Variants in GRIA3 observed in about 807,000 individuals in gnomAD.
The protein encoded by GRIA3 is glutamate ionotropic receptor AMPA type subunit 3.
GRIA3 carries 3 observed loss-of-function variants against 63.0 expected under a neutral mutation model. The observed-to-expected ratio is 0.05, with a 90% CI of 0.02 to 0.12. GRIA3 has a LOEUF of 0.12. Among genes scored for constraint, GRIA3 ranks in the 10% least tolerant of loss-of-function variants. The pLI is 1.00. For missense variants in GRIA3, 347 were observed against 700.9 expected (o/e 0.50, Z 5.70); for synonymous variants, 274 against 257.9 (o/e 1.06, Z -0.60).
Position 123,428,155 on chromosome X carries a change from T to C in GRIA3, c.2076+16T>C, listed in dbSNP as rs1301986133. On this transcript the variant is annotated intron_variant, in intron 12 of 15. Coordinates refer to ENST00000620443, the MANE Select transcript of GRIA3 (RefSeq NM_007325.5). ...ATTTTTCAGAGTAAGTGCTCTGCAG[T>C]TAATTGAGCCTGCTGATATTTATTT... is the stretch of plus-strand genomic sequence containing the variant. The C allele has an allele frequency of 9.5e-7, 1 of 1,047,360 alleles. No homozygotes were observed. The highest frequency in any genetic ancestry group is 1.3e-6 in the Non-Finnish European group (1 of 745,820). 86.3% of individuals were successfully genotyped at this position (1,047,360 alleles called of 1,213,427 possible).
At position 123,260,092 on chromosome X, in the gene GRIA3, A is replaced by T. The variant is rs181346952; in HGVS notation, c.508+6550A>T. Among the ~76,000 whole-genome samples, 311 of 109,618 alleles carry T rather than the reference A, an allele frequency of 2.8e-3. 1 individual carries two copies. The highest frequency in any genetic ancestry group is 4.9e-3 in the Non-Finnish European group (260 of 52,663). ...ATGAGTTGCAAAGGTGAAGGCAGAG[A>T]GACAGCAGAGTTCTAAATGCAGGCA... On this transcript the variant is annotated intron_variant, in intron 3 of 15. Coordinates refer to ENST00000620443, the MANE Select transcript of GRIA3 (RefSeq NM_007325.5).
chrX:123,486,034 A>C (rs761806642), intron 15 of GRIA3, among the ~76,000 whole-genome samples: 44 of 108,164 alleles, frequency 4.1e-4, no homozygotes, highest in African/African-American at 1.4e-3. Context: ...GAAAAGAGGG[A>C]TAGAGATACA....
At chrX:123,286,127 C>A (rs922948462) in intron 3 of GRIA3, among the ~76,000 whole-genome samples, 2 of 111,734 alleles carry the variant, frequency 1.8e-5, no homozygotes, top group Non-Finnish European at 3.8e-5. Context: ...CTCAAAACTG[C>A]GCGACTACCT....
intron 12 of GRIA3, among the ~76,000 whole-genome samples, chrX:123,429,002 G>T (rs890577842): frequency 3.6e-5 from 4 of 111,529 alleles, no homozygotes; most frequent in Non-Finnish European, 7.5e-5. Flanking sequence ...ATTTAGATTA[G>T]AAAATGGACA....
intron 5 of GRIA3, among the ~76,000 whole-genome samples, chrX:123,362,540 C>T (rs1415273456): frequency 1.8e-5 from 2 of 110,989 alleles, no homozygotes; most frequent in African/African-American, 6.6e-5. Flanking sequence ...GAATGAGTGA[C>T]AGGACAGATT....
intron 5 of GRIA3, among the ~76,000 whole-genome samples, chrX:123,359,655 T>A (rs2045156564): frequency 8.9e-6 from 1 of 112,033 alleles, no homozygotes; most frequent in Admixed American, 9.5e-5. Context: ...TCTAGCAGAT[T>A]ACACAGGGCA....
chrX:123,378,428 T>G (rs1352583403), intron 5 of GRIA3, among the ~76,000 whole-genome samples: 1 of 106,896 alleles, frequency 9.4e-6, no homozygotes, highest in African/African-American at 3.4e-5. Context: ...TTTTTTTTTT[T>G]GAGACACAGT....
intron 10 of GRIA3, among the ~76,000 whole-genome samples, chrX:123,416,322 G>T (rs887870225): frequency 7.2e-5 from 8 of 111,406 alleles, no homozygotes; most frequent in African/African-American, 2.6e-4. Flanking sequence ...TTTGGTAGGG[G>T]TATTGAGGCA....
At chrX:123,369,948 A>G (rs1341677003) in intron 5 of GRIA3, among the ~76,000 whole-genome samples, 1 of 111,582 alleles carries the variant, frequency 9.0e-6, no homozygotes, top group East Asian at 2.8e-4. Flanking sequence ...GCTCTTAGAC[A>G]GGATCCCTAC....
In GRIA3 at chrX:123,304,051, C is replaced by T. The variant is rs140928164; in HGVS notation, c.509-21975C>T. Among the ~76,000 whole-genome samples the T allele has an allele frequency of 2.3e-3, 170 of 75,159 alleles. 2 individuals are homozygous for T. The highest frequency in any genetic ancestry group is 7.8e-3 in the African/African-American group (164 of 21,104). The allele number at this position is 75,159 out of a possible 115,157, so 65.3% of individuals were successfully genotyped here. A position where few individuals can be genotyped will look rare whatever the true frequency, so the allele number is the denominator to read the frequency against. On this transcript the variant is annotated intron_variant, in intron 3 of 15. Coordinates refer to ENST00000620443, the MANE Select transcript of GRIA3 (RefSeq NM_007325.5). ...CCAGTTGCCTCCATTTTAACTTCTA[C>T]AGTCCTGGGTAATGAATACCTATGT...
intron 3 of GRIA3, among the ~76,000 whole-genome samples, chrX:123,271,320 C>G (rs1331970541): frequency 8.9e-6 from 1 of 112,051 alleles, no homozygotes; most frequent in Non-Finnish European, 1.9e-5. Context: ...CTTTACACTT[C>G]CAAGCACTTT....
intron 5 of GRIA3, among the ~76,000 whole-genome samples, chrX:123,371,170 T>TGG (rs2045245262): frequency 9.1e-6 from 1 of 110,412 alleles, no homozygotes; most frequent in Non-Finnish European, 1.9e-5. Context: ...TCTCTTAGCA[T>TGG]AATGACCTCC....
At position 123,185,372 on chromosome X, in the gene GRIA3, C is replaced by A. The variant is rs761851530; in HGVS notation, c.110-460C>A. 8.1e-5 allele frequency among the ~76,000 whole-genome samples: 9 copies of A among 110,525 alleles called. No homozygotes were observed. The East Asian group carries it at 8.6e-4, about 11-fold the overall frequency. ...AGAATTTTTGCCATTACTGAACCAA[C>A]CCCCTGTATTGTCACGGGGGAGGGT... On this transcript the variant is annotated intron_variant, in intron 1 of 15. Transcript: ENST00000620443.
chrX:123,417,977 T>A, intron 11 of GRIA3, 199 bp downstream of exon 11: 1 of 469,267 alleles, frequency 2.1e-6, no homozygotes. Context: ...ATGTCTTTCA[T>A]GCATTTCTAT....
chrX:123,342,412 CAG>C (rs776095022), intron 4 of GRIA3, among the ~76,000 whole-genome samples: 1 of 112,166 alleles, frequency 8.9e-6, no homozygotes, highest in Admixed American at 9.4e-5. Flanking sequence ...GAACCCAGTG[CAG>C]AGAGGTACCA....
intron 4 of GRIA3, among the ~76,000 whole-genome samples, chrX:123,353,963 A>G (rs2147349650): frequency 8.9e-6 from 1 of 112,043 alleles, no homozygotes; most frequent in African/African-American, 3.2e-5. Context: ...CTTCTAACCA[A>G]TACATTTGAT....
chrX:123,200,024 T>C (rs1306711123), intron 2 of GRIA3, among the ~76,000 whole-genome samples: 1 of 111,895 alleles, frequency 8.9e-6, no homozygotes, highest in Non-Finnish European at 1.9e-5. Flanking sequence ...GTTGAGCATC[T>C]AGACTAACAG....
intron 5 of GRIA3, among the ~76,000 whole-genome samples, chrX:123,366,226 A>C (rs1370951271): frequency 9.0e-6 from 1 of 111,215 alleles, no homozygotes; most frequent in African/African-American, 3.3e-5. Flanking sequence ...ACCACCTCGG[A>C]ATGCAGCCCA....
chrX:123,349,835 C>T (rs1329935191), intron 4 of GRIA3, among the ~76,000 whole-genome samples: 1 of 112,167 alleles, frequency 8.9e-6, no homozygotes, highest in Non-Finnish European at 1.9e-5. Flanking sequence ...TTTACGAAGA[C>T]TCAGGCAATT....
Sources: gnomAD v4.1 joint callset for allele counts (sites outside exome capture counted in the v4.1 genomes callset) on GRCh38, gnomAD v4.1.1 for gene constraint, MANE v1.5 for transcripts, NCBI Gene and HGNC (gene_info 2026-07-23, HGNC 2026-07-21) for gene names.